NFYC: variants seen among roughly 807,000 people sequenced by gnomAD.
The protein encoded by NFYC is CAAT box DNA-binding protein subunit C.
Under a neutral mutation model 53.1 loss-of-function variants are expected in NFYC, and 25 were observed. The ratio of observed to expected loss-of-function variants is 0.47; its 90% CI spans 0.34 to 0.66. The LOEUF (loss-of-function observed/expected upper bound fraction) is 0.66. Ranked by LOEUF, NFYC falls within the 30% of genes least tolerant of loss-of-function variation. NFYC has a pLI of 0.01. For missense variants in NFYC, 260 were observed against 422.7 expected (o/e 0.62, Z 3.38); for synonymous variants, 145 against 152.6 (o/e 0.95, Z 0.37).
chr1:40,710,918 A>G (rs1411020523), intron 1 of NFYC, among the ~76,000 whole-genome samples: 3 of 152,222 alleles, frequency 2.0e-5, no homozygotes, highest in Non-Finnish European at 4.4e-5. Flanking sequence ...GAAAAGCTCT[A>G]TTTAAGATGA....
At chr1:40,739,015 C>T (rs1464269271) in intron 2 of NFYC, 67 bp downstream of exon 2, 28 of 1,113,072 alleles carry the variant, frequency 2.5e-5, no homozygotes, top group Non-Finnish European at 2.7e-5. Flanking sequence ...GGAAATTAAC[C>T]AAAACTCAGA....
At chr1:40,757,745 G>C (rs1288964273) in intron 5 of NFYC, among the ~76,000 whole-genome samples, 1 of 152,240 alleles carries the variant, frequency 6.6e-6, no homozygotes, top group Non-Finnish European at 1.5e-5. Flanking sequence ...TGTTTGGGTA[G>C]CATCTTCCCA....
At chr1:40,709,219 G>C (rs561572107) in intron 1 of NFYC, 1 of 152,210 alleles carries the variant, frequency 6.6e-6, no homozygotes, top group South Asian at 2.1e-4. Flanking sequence ...GGTAACTGAT[G>C]ACGTGAACAG....
chr1:40,713,091 C>G (rs1172288427), intron 1 of NFYC, among the ~76,000 whole-genome samples: 1 of 152,112 alleles, frequency 6.6e-6, no homozygotes, highest in African/African-American at 2.4e-5. Flanking sequence ...CAGTTGATAC[C>G]TACTATGAGA....
intron 1 of NFYC, among the ~76,000 whole-genome samples, chr1:40,698,530 G>A (rs959326582): frequency 9.3e-5 from 14 of 151,026 alleles, no homozygotes; most frequent in Non-Finnish European, 1.6e-4. Flanking sequence ...GGGTTCAGAC[G>A]ATTCTCCTGC....
At chr1:40,724,594 ATGAG>A (rs1216057016) in intron 1 of NFYC, among the ~76,000 whole-genome samples, 1 of 152,172 alleles carries the variant, frequency 6.6e-6, no homozygotes, top group Non-Finnish European at 1.5e-5. Flanking sequence ...CATTGAAAGG[ATGAG>A]TAAGAATGTG....
rs773420517 is a variant in NFYC, at chr1:40,738,954, G to A, written c.105+6G>A. 6 of 1,586,132 alleles carry A rather than the reference G, an allele frequency of 3.8e-6. No individual in the cohort carries two copies. The highest frequency in any genetic ancestry group is 3.3e-5 in the Admixed American group (2 of 59,916). Reference sequence around the variant, plus strand: ...AAATCCGGAATTTAACAGTGGTGAGGAAGAATGAGAAACTTTTATTAGAAA... The same window carrying A: ...AAATCCGGAATTTAACAGTGGTGAGAAAGAATGAGAAACTTTTATTAGAAA... On this transcript the variant is annotated splice_donor_region_variant and intron_variant, in intron 2 of 9. Coordinates refer to ENST00000447388, the MANE Select transcript of NFYC (RefSeq NM_014223.5).
chr1:40,712,138 A>G (rs1643947305), intron 1 of NFYC, among the ~76,000 whole-genome samples: 1 of 152,258 alleles, frequency 6.6e-6, no homozygotes, highest in Admixed American at 6.5e-5. Flanking sequence ...TAGGTGTGGC[A>G]TCAAAGAAAA....
At position 40,762,877 on chromosome 1, in the gene NFYC, C is replaced by A; in HGVS notation, c.562-11C>A. 1 of 1,575,192 alleles carries A rather than the reference C, an allele frequency of 6.3e-7. No homozygotes were observed. The highest frequency in any genetic ancestry group is 1.2e-5 in the South Asian group (1 of 86,628). ...GAACTCACGCAGCATTCTCATAACT[C>A]TTCCTTTCAGACCACACCTGTGACA... is the stretch of plus-strand genomic sequence containing the variant. On this transcript the variant is annotated splice_polypyrimidine_tract_variant and intron_variant, in intron 6 of 9. Coordinates refer to ENST00000447388, the MANE Select transcript of NFYC (RefSeq NM_014223.5).
chr1:40,754,594 A>G (rs1299392133), intron 5 of NFYC: 2 of 368,860 alleles, frequency 5.4e-6, no homozygotes, highest in Non-Finnish European at 5.6e-6. Context: ...AAAGAGTATC[A>G]TACACCTGCT....
chr1:40,764,577 T>C (rs1226775908), intron 7 of NFYC, among the ~76,000 whole-genome samples: 3 of 152,230 alleles, frequency 2.0e-5, no homozygotes, highest in Non-Finnish European at 4.4e-5. Context: ...TTTAACTCTC[T>C]GGGGCACAGA....
At position 40,770,894 on chromosome 1, in the gene NFYC, C is replaced by T. The variant is rs1647056945; in HGVS notation, c.*66C>T. The T allele has an allele frequency of 6.4e-7, 1 of 1,552,698 alleles. No homozygotes were observed. Among genetic ancestry groups the T allele is most frequent in the Non-Finnish European group, 8.7e-7 (1 of 1,143,474 alleles). On this transcript the variant is annotated 3_prime_UTR_variant, in exon 10 of 10. Coordinates refer to ENST00000447388, the MANE Select transcript of NFYC (RefSeq NM_014223.5). This position sits in a 1 kb window ranked among gnomAD's most constrained non-coding sequence, Gnocchi z 5.3. ...TTGCCATACAGCCCCAGGCAATGGG[C>T]ACAGCCTTCCTCCCCAGAGGACCCG...
chr1:40,738,191 C>T (rs1052484831), intron 1 of NFYC, among the ~76,000 whole-genome samples: 28 of 152,136 alleles, frequency 1.8e-4, no homozygotes, highest in Non-Finnish European at 3.4e-4. Context: ...CGTGAGCCAC[C>T]GCGCCCGGCC....
At chr1:40,730,699 C>T (rs1644730696) in intron 1 of NFYC, 1 of 579,678 alleles carries the variant, frequency 1.7e-6, no homozygotes, top group South Asian at 7.6e-5. Context: ...AGCCTAAGGG[C>T]TGCAAGTCGG....
rs564595960 is a variant in NFYC, at chr1:40,691,738, C to T, written c.-138C>T. The T allele has an allele frequency of 5.1e-5, 23 of 455,428 alleles. No homozygotes were observed. The highest frequency in any genetic ancestry group is 4.4e-4 in the African/African-American group (22 of 49,930). 28.2% of individuals were successfully genotyped at this position (455,428 alleles called of 1,614,324 possible). Reference sequence around the variant, plus strand: ...GTGGCCGCCATCTTGCTTGTGCCCCCGCTTCGCGCGCGCTCCGTTCTCCGT... The same window carrying T: ...GTGGCCGCCATCTTGCTTGTGCCCCTGCTTCGCGCGCGCTCCGTTCTCCGT... On this transcript the variant is annotated 5_prime_UTR_variant, in exon 1 of 10. Transcript: ENST00000447388.
intron 1 of NFYC, among the ~76,000 whole-genome samples, chr1:40,729,176 A>T (rs972066926): frequency 1.3e-5 from 2 of 152,180 alleles, no homozygotes; most frequent in Non-Finnish European, 2.9e-5. Flanking sequence ...TTCCACAGGC[A>T]TTGACTTCTT....
chr1:40,763,496 GC>G (rs1646667842), intron 7 of NFYC: 1 of 433,778 alleles, frequency 2.3e-6, no homozygotes, highest in East Asian at 7.1e-5. Flanking sequence ...ATAGGCACGT[GC>G]CACTATGCCC....
At chr1:40,763,413 C>A (rs1412244656) in intron 7 of NFYC, 1 of 454,580 alleles carries the variant, frequency 2.2e-6, no homozygotes, top group Non-Finnish European at 4.4e-6. Flanking sequence ...GTGGCTTGAT[C>A]TCAGCTCACT....
intron 5 of NFYC, among the ~76,000 whole-genome samples, chr1:40,755,524 T>C (rs1363082789): frequency 6.6e-6 from 1 of 152,246 alleles, no homozygotes; most frequent in Non-Finnish European, 1.5e-5. Context: ...GAGGCCTGAC[T>C]TCTGCCCCAC....
Sources: allele counts gnomAD v4.1 joint callset (sites outside exome capture counted in the v4.1 genomes callset), GRCh38; gene constraint gnomAD v4.1.1; non-coding constraint Gnocchi (gnomAD v3.1); transcripts MANE v1.5; gene names NCBI Gene and HGNC (gene_info 2026-07-23, HGNC 2026-07-21).